FHIT: variants seen among roughly 807,000 people sequenced by gnomAD.
The protein encoded by FHIT is fragile histidine triad diadenosine triphosphatase.
In FHIT, 19 loss-of-function variants were observed where a neutral mutation model predicts 17.9. The ratio of observed to expected loss-of-function variants is 1.06; its 90% CI spans 0.74 to 1.56. The LOEUF is 1.56. Ranked by LOEUF, FHIT falls within the 40% of genes most tolerant of loss-of-function variation. The pLI, the probability that FHIT is intolerant of heterozygous loss-of-function variation, is 0.00. For synonymous variants in FHIT, 81 were observed against 69.7 expected (o/e 1.16, Z -0.81); for missense variants, 248 against 189.2 (o/e 1.31, Z -1.82).
chr3:59,796,869 CAT>C (rs1345780371), intron 8 of FHIT, among the ~76,000 whole-genome samples: 1 of 152,150 alleles, frequency 6.6e-6, no homozygotes, highest in African/African-American at 2.4e-5. Flanking sequence ...AAAATAAAGT[CAT>C]ATATTAATAG....
intron 8 of FHIT, among the ~76,000 whole-genome samples, chr3:59,799,363 C>T (rs1314601078): frequency 6.6e-6 from 1 of 152,146 alleles, no homozygotes; most frequent in African/African-American, 2.4e-5. Context: ...TAAAGCCAAG[C>T]GCAACAGAGA....
At chr3:60,519,459 GTAACT>G (rs1218324366) in intron 5 of FHIT, among the ~76,000 whole-genome samples, 1 of 152,140 alleles carries the variant, frequency 6.6e-6, no homozygotes, top group African/African-American at 2.4e-5. Flanking sequence ...AAATTCACAT[GTAACT>G]TAACTTCCCA....
At chr3:60,167,823 G>A (rs576740665) in intron 5 of FHIT, among the ~76,000 whole-genome samples, 2 of 152,220 alleles carry the variant, frequency 1.3e-5, no homozygotes, top group African/African-American at 4.8e-5. Flanking sequence ...TTGAGCTCAG[G>A]AATTTGAAAC....
At chr3:60,723,359 C>G (rs2041850888) in intron 4 of FHIT, among the ~76,000 whole-genome samples, 1 of 152,086 alleles carries the variant, frequency 6.6e-6, no homozygotes, top group Non-Finnish European at 1.5e-5. Flanking sequence ...GTAAACAGTT[C>G]CCTACACTAA....
chr3:60,576,597 A>C (rs755920005), intron 4 of FHIT, among the ~76,000 whole-genome samples: 1 of 152,162 alleles, frequency 6.6e-6, no homozygotes, highest in Non-Finnish European at 1.5e-5. Flanking sequence ...CCATGACGTT[A>C]ATCAATTTAT....
intron 2 of FHIT, among the ~76,000 whole-genome samples, chr3:61,148,170 T>A (rs1432306720): frequency 6.6e-6 from 1 of 152,062 alleles, no homozygotes; most frequent in East Asian, 1.9e-4. Flanking sequence ...ACACACATCA[T>A]CTTTTAATGA....
At chr3:60,274,414 T>C (rs1279811215) in intron 5 of FHIT, among the ~76,000 whole-genome samples, 1 of 152,164 alleles carries the variant, frequency 6.6e-6, no homozygotes, top group Non-Finnish European at 1.5e-5. Context: ...AATGACAAAA[T>C]ACCCTTTACC....
intron 3 of FHIT, among the ~76,000 whole-genome samples, chr3:60,946,628 T>C (rs1390346931): frequency 1.3e-5 from 2 of 152,112 alleles, no homozygotes; most frequent in Non-Finnish European, 2.9e-5. Context: ...CTTCAATAAA[T>C]ACAGAGGAGT....
intron 5 of FHIT, among the ~76,000 whole-genome samples, chr3:60,285,997 G>C (rs1424095855): frequency 6.6e-6 from 1 of 152,148 alleles, no homozygotes; most frequent in East Asian, 1.9e-4. Context: ...GGATTCCAAA[G>C]AAAAGCATCC....
intron 5 of FHIT, among the ~76,000 whole-genome samples, chr3:60,179,663 T>C (rs1176590050): frequency 6.6e-6 from 1 of 151,860 alleles, no homozygotes; most frequent in African/African-American, 2.4e-5. Flanking sequence ...TTATAATACA[T>C]GTTTCTGTAG....
chr3:60,112,542 C>A (rs1407287221), intron 5 of FHIT, among the ~76,000 whole-genome samples: 1 of 152,160 alleles, frequency 6.6e-6, no homozygotes, highest in East Asian at 1.9e-4. Context: ...CGTTTACCAG[C>A]AGAAACAGCC....
intron 5 of FHIT, among the ~76,000 whole-genome samples, chr3:60,037,601 C>G (rs947578590): frequency 2.6e-5 from 4 of 151,794 alleles, no homozygotes; most frequent in Non-Finnish European, 5.9e-5. Flanking sequence ...AGCCTGGTCT[C>G]GAACTCCTAA....
At chr3:60,437,419 G>C (rs1362683028) in intron 5 of FHIT, among the ~76,000 whole-genome samples, 1 of 152,076 alleles carries the variant, frequency 6.6e-6, no homozygotes, top group East Asian at 1.9e-4. Flanking sequence ...TTAACTTAGA[G>C]AAAAGCAAGT....
At chr3:60,772,547 C>T (rs931238477) in intron 4 of FHIT, among the ~76,000 whole-genome samples, 2 of 151,982 alleles carry the variant, frequency 1.3e-5, no homozygotes, top group Non-Finnish European at 2.9e-5. Flanking sequence ...CTGTCTTTAG[C>T]ATTCAAGCTG....
In FHIT at chr3:59,992,039, G is replaced by T. The variant is rs544663816; in HGVS notation, c.279+19332C>A. Among the ~76,000 whole-genome samples, 22 of 152,102 alleles carry T rather than the reference G, an allele frequency of 1.4e-4. 1 individual carries two copies. The South Asian group carries it at 4.4e-3, about 30-fold the overall frequency. On this transcript the variant is annotated intron_variant, in intron 7 of 9. Transcript: ENST00000492590. ...AGGGAAGAGGAGATGAGGAAGAGAG[G>T]AACATAAAAATGAAGTAAAACGAAA... is the stretch of plus-strand genomic sequence containing the variant.
At chr3:60,753,401 G>C (rs1161891320) in intron 4 of FHIT, among the ~76,000 whole-genome samples, 4 of 152,176 alleles carry the variant, frequency 2.6e-5, no homozygotes, top group African/African-American at 4.8e-5. Context: ...CACAAAAAGG[G>C]AGAGAAATGG....
chr3:59,926,935 A>G (rs1705690181), intron 7 of FHIT, among the ~76,000 whole-genome samples: 1 of 152,210 alleles, frequency 6.6e-6, no homozygotes, highest in Non-Finnish European at 1.5e-5. Context: ...AAAGTTGAAC[A>G]TGGAGTTACC....
At chr3:60,940,000 G>C (rs1708341745) in intron 3 of FHIT, among the ~76,000 whole-genome samples, 1 of 152,012 alleles carries the variant, frequency 6.6e-6, no homozygotes, top group Non-Finnish European at 1.5e-5. Flanking sequence ...GACCATGTCT[G>C]AATTATTATA....
intron 5 of FHIT, among the ~76,000 whole-genome samples, chr3:60,077,138 C>T (rs1378763120): frequency 6.6e-6 from 1 of 151,856 alleles, no homozygotes; most frequent in Non-Finnish European, 1.5e-5. Context: ...AAAAATCATT[C>T]AAGGACTCTG....
Sources: allele counts gnomAD v4.1 joint callset (sites outside exome capture counted in the v4.1 genomes callset), GRCh38; gene constraint gnomAD v4.1.1; transcripts MANE v1.5; gene names NCBI Gene and HGNC (gene_info 2026-07-23, HGNC 2026-07-21).